IL15: variants seen among roughly 807,000 people sequenced by gnomAD.
The protein encoded by IL15 is interleukin 15.
In IL15, 11 loss-of-function variants were observed where a neutral mutation model predicts 19.6. The ratio of observed to expected loss-of-function variants is 0.56; its 90% CI spans 0.35 to 0.93. The LOEUF is 0.93. Among genes scored for constraint, IL15 ranks in the 40% least tolerant of loss-of-function variants. The probability of loss-of-function intolerance (pLI) is 0.01; values close to 1 mark genes in which losing one functional copy is unlikely to be tolerated. For synonymous variants in IL15, 58 were observed against 59.6 expected (o/e 0.97, Z 0.12); for missense variants, 197 against 186.5 (o/e 1.06, Z -0.33).
In IL15 at chr4:141,719,378, G is replaced by A. The variant is rs1362361991; in HGVS notation, c.-87G>A. 4 of 708,988 alleles carry A rather than the reference G, an allele frequency of 5.6e-6. No individual in the cohort carries two copies. Among genetic ancestry groups the A allele is most frequent in the Non-Finnish European group, 7.7e-6 (3 of 388,904 alleles). 43.9% of individuals were successfully genotyped at this position (708,988 alleles called of 1,614,324 possible). A position where few individuals can be genotyped will look rare whatever the true frequency, so the allele number is the denominator to read the frequency against. ...TACTTTACCCTAGATTGTATTGTAGGAGGCATTGTGGATGGATGGCTGCTG... is the reference window on the plus strand; with the variant it reads ...TACTTTACCCTAGATTGTATTGTAGAAGGCATTGTGGATGGATGGCTGCTG... On this transcript the variant is annotated 5_prime_UTR_variant, in exon 3 of 8. Coordinates refer to ENST00000320650, the MANE Select transcript of IL15 (RefSeq NM_000585.5).
intron 2 of IL15, among the ~76,000 whole-genome samples, chr4:141,689,269 G>T (rs986586424): frequency 1.3e-5 from 2 of 152,132 alleles, no homozygotes; most frequent in Non-Finnish European, 2.9e-5. Context: ...TGCTGGCTCC[G>T]GCAGCCTGCT....
At chr4:141,690,704 C>T (rs566542310) in intron 2 of IL15, among the ~76,000 whole-genome samples, 61 of 152,322 alleles carry the variant, frequency 4.0e-4, no homozygotes, top group African/African-American at 1.3e-3. Flanking sequence ...CAAATTCGAT[C>T]ATGCCATTAC....
intron 2 of IL15, among the ~76,000 whole-genome samples, chr4:141,709,933 C>A (rs1729657923): frequency 6.6e-6 from 1 of 152,018 alleles, no homozygotes; most frequent in African/African-American, 2.4e-5. Flanking sequence ...CACCCTCCCC[C>A]CACACTAACT....
intron 2 of IL15, among the ~76,000 whole-genome samples, chr4:141,658,331 T>A (rs987613756): frequency 6.6e-6 from 1 of 152,186 alleles, no homozygotes; most frequent in Non-Finnish European, 1.5e-5. Flanking sequence ...TTTTTCTTTA[T>A]AAATTACCCA....
chr4:141,687,875 GA>G (rs936499725), intron 2 of IL15, among the ~76,000 whole-genome samples: 12 of 151,942 alleles, frequency 7.9e-5, no homozygotes, highest in Non-Finnish European at 1.8e-4. Flanking sequence ...ATCATATTGA[GA>G]AAAAAATGCC....
intron 1 of IL15, among the ~76,000 whole-genome samples, chr4:141,639,086 A>G (rs1176079325): frequency 6.6e-6 from 1 of 152,214 alleles, no homozygotes; most frequent in African/African-American, 2.4e-5. Flanking sequence ...CATTGTTCTA[A>G]GGATGTATTT....
intron 5 of IL15, among the ~76,000 whole-genome samples, chr4:141,723,029 G>T (rs1025919390): frequency 6.6e-6 from 1 of 151,978 alleles, no homozygotes; most frequent in Non-Finnish European, 1.5e-5. Flanking sequence ...GCATTCCTAT[G>T]GTTAGTATCA....
chr4:141,652,764 A>T (rs1727453352), intron 1 of IL15, among the ~76,000 whole-genome samples: 1 of 152,184 alleles, frequency 6.6e-6, no homozygotes, highest in Admixed American at 6.6e-5. Context: ...TGTGCTTAGT[A>T]AAAGATTAGC....
At chr4:141,658,318 A>AT (rs756452538) in intron 2 of IL15, among the ~76,000 whole-genome samples, 95 of 152,156 alleles carry the variant, frequency 6.2e-4, no homozygotes, top group Non-Finnish European at 9.3e-4. Context: ...TCAATTAAAC[A>AT]TTTTTTTCTT....
intron 2 of IL15, chr4:141,689,175 A>C (rs1728813874): frequency 6.5e-6 from 1 of 152,770 alleles, no homozygotes; most frequent in Non-Finnish European, 1.5e-5. Context: ...GTGGACCCAA[A>C]GAGTGAGCAG....
chr4:141,644,753 G>A (rs548637327), intron 1 of IL15, among the ~76,000 whole-genome samples: 3 of 151,932 alleles, frequency 2.0e-5, no homozygotes, highest in South Asian at 4.1e-4. Flanking sequence ...ACATACAATG[G>A]TAAAACAAAA....
At chr4:141,644,969 GC>G (rs1318369083) in intron 1 of IL15, among the ~76,000 whole-genome samples, 3 of 152,010 alleles carry the variant, frequency 2.0e-5, no homozygotes, top group Non-Finnish European at 4.4e-5. Flanking sequence ...TGCACTTTGG[GC>G]TCCTTTTCTC....
intron 1 of IL15, among the ~76,000 whole-genome samples, chr4:141,648,350 T>C (rs573437841): frequency 3.3e-5 from 5 of 152,214 alleles, no homozygotes; most frequent in South Asian, 2.1e-4. Flanking sequence ...GGGATAATTT[T>C]ATAAATTTGC....
At chr4:141,650,302 G>A (rs935534066) in intron 1 of IL15, among the ~76,000 whole-genome samples, 1 of 152,036 alleles carries the variant, frequency 6.6e-6, no homozygotes. Context: ...AATTTGGGTG[G>A]TACCAATGAT....
intron 2 of IL15, among the ~76,000 whole-genome samples, chr4:141,709,623 A>G (rs1579041534): frequency 1.3e-5 from 2 of 152,092 alleles, no homozygotes; most frequent in Admixed American, 6.5e-5. Flanking sequence ...TGATTTCTGT[A>G]TATGTTTAAA....
intron 2 of IL15, among the ~76,000 whole-genome samples, chr4:141,702,260 T>C (rs1242141919): frequency 6.6e-6 from 1 of 152,224 alleles, no homozygotes; most frequent in East Asian, 1.9e-4. Flanking sequence ...TGATATGGTG[T>C]TCTCTCCCTT....
chr4:141,660,153 T>G (rs144231237), intron 2 of IL15, among the ~76,000 whole-genome samples: 1 of 152,224 alleles, frequency 6.6e-6, no homozygotes, highest in African/African-American at 2.4e-5. Context: ...AACTGGGGAA[T>G]GTAATGGGCT....
chr4:141,677,335 T>C (rs1354963977), intron 2 of IL15, among the ~76,000 whole-genome samples: 3 of 152,228 alleles, frequency 2.0e-5, no homozygotes, highest in Non-Finnish European at 1.5e-5. Context: ...TTATGTTTTC[T>C]CTTAGGATTT....
chr4:141,643,293 G>A (rs1226952264), intron 1 of IL15, among the ~76,000 whole-genome samples: 1 of 152,020 alleles, frequency 6.6e-6, no homozygotes. Flanking sequence ...AAAGACTCAT[G>A]TTTTTCTCCT....
Sources: gnomAD v4.1 joint callset for allele counts (sites outside exome capture counted in the v4.1 genomes callset) on GRCh38, gnomAD v4.1.1 for gene constraint, MANE v1.5 for transcripts, NCBI Gene and HGNC (gene_info 2026-07-23, HGNC 2026-07-21) for gene names.